The following FBXO4 variants were observed in gnomAD, a reference collection of about 807,000 sequenced individuals.
FBXO4 encodes F-box only protein 4.
FBXO4 carries 36 observed loss-of-function variants against 43.7 expected under a neutral mutation model. The observed-to-expected ratio is 0.82, with a 90% confidence interval of 0.63 to 1.09. FBXO4 has a LOEUF of 1.09. FBXO4 is among the 50% of genes least tolerant of loss of function. The pLI is 0.00. For missense variants in FBXO4, 435 were observed against 474.1 expected (o/e 0.92, Z 0.77); for synonymous variants, 180 against 165.6 (o/e 1.09, Z -0.67).
the FBXO4 span, among the ~76,000 whole-genome samples, chr5:41,996,618 C>G: frequency 6.6e-6 from 1 of 152,202 alleles, no homozygotes; most frequent in South Asian, 2.1e-4. Flanking sequence ...AAACTGGCAG[C>G]CTTTTGGGTC....
chr5:42,014,894 A>G, the FBXO4 span, among the ~76,000 whole-genome samples: 1 of 152,176 alleles, frequency 6.6e-6, no homozygotes, highest in South Asian at 2.1e-4. Flanking sequence ...TTACCTCACA[A>G]GCTTTGTTTC....
chr5:41,936,313 G>A (rs1226126229), intron 5 of FBXO4, among the ~76,000 whole-genome samples: 1 of 152,136 alleles, frequency 6.6e-6, no homozygotes, highest in Non-Finnish European at 1.5e-5. Context: ...CGGGCAGATT[G>A]CTTGAGCCCA....
chr5:42,031,356 G>A, the FBXO4 span, among the ~76,000 whole-genome samples: 2 of 150,490 alleles, frequency 1.3e-5, no homozygotes. Flanking sequence ...ACTATCACAA[G>A]GACAAAAAAA....
chr5:42,010,984 G>A, the FBXO4 span, among the ~76,000 whole-genome samples: 5 of 151,930 alleles, frequency 3.3e-5, no homozygotes, highest in East Asian at 1.9e-4. Context: ...CCATCAACCC[G>A]TTATCTACAT....
In FBXO4 at chr5:41,934,343, TTCTTTTCAAAGCAAATGGAAAA is replaced by T. The variant is rs1363234782; in HGVS notation, c.898+37_898+58del. 5.6e-6 allele frequency: 9 copies of T among 1,613,346 alleles called. No homozygotes were observed. In the Admixed American group the frequency reaches 1.5e-4, roughly 27 times the overall value. On this transcript the variant is annotated intron_variant, in intron 5 of 6. Transcript: ENST00000281623. Reference sequence around the variant, plus strand: ...CATATGTACATTTTTAAGCACATTGTTCTTTTCAAAGCAAATGGAAAATACCTTTTTAGACTTTACTGTGGCT... The same window carrying T: ...CATATGTACATTTTTAAGCACATTGTTACCTTTTTAGACTTTACTGTGGCT...
chr5:41,927,224 G>T lies in FBXO4; in HGVS notation c.401G>T (p.Gly134Val). Residue 134 changes from glycine to valine, a missense_variant, in exon 2 of 7, where the codon GGT (glycine) becomes GTT (valine). Gly to Val is a moderately radical substitution (Grantham distance 109). Transcript: ENST00000281623. ...LKKPISEVTD[G>V]AFFDYMAVYR... is the part of the protein sequence containing the mutation. Reference sequence around the variant, plus strand: ...AAGCCTATATCTGAGGTCACTGATGGTGCATTTTTTGACTACATGGCAGTG... The same window carrying T: ...AAGCCTATATCTGAGGTCACTGATGTTGCATTTTTTGACTACATGGCAGTG... The T allele has an allele frequency of 2.5e-6, 4 of 1,604,314 alleles. No homozygotes were observed. Among genetic ancestry groups the T allele is most frequent in the Non-Finnish European group, 2.5e-6 (3 of 1,177,380 alleles).
the FBXO4 span, among the ~76,000 whole-genome samples, chr5:41,976,237 C>A: frequency 6.6e-6 from 1 of 152,176 alleles, no homozygotes; most frequent in Non-Finnish European, 1.5e-5. Context: ...CCCTGACCCA[C>A]CAAATCTCAT....
At chr5:42,030,393 T>C in the FBXO4 span, among the ~76,000 whole-genome samples, 1 of 151,706 alleles carries the variant, frequency 6.6e-6, no homozygotes, top group Admixed American at 6.7e-5. Flanking sequence ...CTGGGAAAAC[T>C]GGCTAGCCAT....
chr5:41,980,662 C>A, the FBXO4 span, among the ~76,000 whole-genome samples: 1 of 151,418 alleles, frequency 6.6e-6, no homozygotes, highest in Admixed American at 6.6e-5. Context: ...TTTTTTTTTG[C>A]CAAATGTATG....
chr5:41,992,187 C>G, the FBXO4 span, among the ~76,000 whole-genome samples: 2 of 152,080 alleles, frequency 1.3e-5, no homozygotes, highest in Non-Finnish European at 2.9e-5. Context: ...TTCTCTAGCT[C>G]TTTATATACT....
At chr5:41,942,423 CT>C (rs967343914), downstream of FBXO4, among the ~76,000 whole-genome samples, 1 of 150,330 alleles carries the variant, frequency 6.7e-6, no homozygotes, top group Admixed American at 6.6e-5. Flanking sequence ...TATCAGCTAT[CT>C]TTTTTTAAAA....
At chr5:41,935,229 TA>T in intron 5 of FBXO4, 1 of 783,410 alleles carries the variant, frequency 1.3e-6, no homozygotes, top group African/African-American at 1.9e-5. Context: ...AAAAATAAAT[TA>T]AAAAAATTTA....
In FBXO4 at chr5:41,927,226, G is replaced by A; in HGVS notation, c.403G>A (p.Ala135Thr). ...KKPISEVTDG[A>T]FFDYMAVYRM... ...GCCTATATCTGAGGTCACTGATGGT[G>A]CATTTTTTGACTACATGGCAGTGTA... The change falls in exon 2 of 7, where the codon GCA becomes ACA. Residue 135 changes from alanine to threonine, a missense_variant. Ala to Thr is a moderately conservative substitution (Grantham distance 58). Coordinates refer to ENST00000281623, the MANE Select transcript of FBXO4 (RefSeq NM_012176.3). 1.2e-6 allele frequency: 2 copies of A among 1,603,342 alleles called. No individual in the cohort carries two copies. The highest frequency in any genetic ancestry group is 1.7e-6 in the Non-Finnish European group (2 of 1,176,918).
chr5:42,028,995 A>AT, the FBXO4 span, among the ~76,000 whole-genome samples: 2 of 151,996 alleles, frequency 1.3e-5, no homozygotes, highest in Non-Finnish European at 2.9e-5. Context: ...AGTTAGTGTT[A>AT]TAACAGTTTG....
At chr5:41,979,362 C>A in the FBXO4 span, among the ~76,000 whole-genome samples, 1 of 152,172 alleles carries the variant, frequency 6.6e-6, no homozygotes, top group Non-Finnish European at 1.5e-5. Flanking sequence ...CTTATTTCTA[C>A]CCAGTGTTAA....
At chr5:41,946,811 A>G in the FBXO4 span, among the ~76,000 whole-genome samples, 4 of 152,220 alleles carry the variant, frequency 2.6e-5, no homozygotes, top group African/African-American at 7.2e-5. Flanking sequence ...GTTCAATAGA[A>G]GACCCCACAC....
chr5:42,010,942 AGG>A, the FBXO4 span, among the ~76,000 whole-genome samples: 1 of 152,032 alleles, frequency 6.6e-6, no homozygotes, highest in Non-Finnish European at 1.5e-5. Context: ...TTTGTTACAT[AGG>A]TATATACGTG....
At chr5:42,006,905 T>TATAC in the FBXO4 span, among the ~76,000 whole-genome samples, 1 of 140,968 alleles carries the variant, frequency 7.1e-6, no homozygotes, top group South Asian at 2.2e-4. Flanking sequence ...TATATATATA[T>TATAC]ATATATATAT....
At chr5:41,967,543 A>T in the FBXO4 span, 6 of 981,088 alleles carry the variant, frequency 6.1e-6, no homozygotes, top group Non-Finnish European at 9.5e-6. Context: ...CATGCACCCC[A>T]TCTGTGTGCA....
Sources: allele counts gnomAD v4.1 joint callset (sites outside exome capture counted in the v4.1 genomes callset), GRCh38; gene constraint gnomAD v4.1.1; transcripts MANE v1.5; gene names NCBI Gene and HGNC (gene_info 2026-07-23, HGNC 2026-07-21).